Variants in ARHGAP26 observed in about 807,000 individuals in gnomAD.
ARHGAP26 encodes Rho GTPase activating protein 26, also known as rho GTPase-activating protein 26.
Under a neutral mutation model 104.8 loss-of-function variants are expected in ARHGAP26, and 38 were observed. The observed-to-expected ratio is 0.36, with a 90% CI of 0.28 to 0.48. The LOEUF is 0.48. ARHGAP26 is among the 20% of genes least tolerant of loss of function. The pLI is 0.99. For synonymous variants in ARHGAP26, 341 were observed against 340.0 expected (o/e 1.00, Z -0.03); for missense variants, 704 against 947.9 (o/e 0.74, Z 3.38).
intron 5 of ARHGAP26, among the ~76,000 whole-genome samples, chr5:142,890,313 T>C (rs1017489288): frequency 1.3e-5 from 2 of 150,662 alleles, no homozygotes; most frequent in Non-Finnish European, 3.0e-5. Context: ...AAGAGGTTTT[T>C]GGGCAGAATG....
In ARHGAP26 at chr5:143,160,564, A is replaced by G. The variant is rs147383123; in HGVS notation, c.1988+13183A>G. Among the ~76,000 whole-genome samples, 640 of 151,464 alleles carry G rather than the reference A, an allele frequency of 4.2e-3. 3 individuals carry two copies. The highest frequency in any genetic ancestry group is 6.5e-3 in the Non-Finnish European group (439 of 67,904). On this transcript the variant is annotated intron_variant, in intron 20 of 22. Transcript: ENST00000645722. ...CAGTGGTGCAATCACAGCTCACTGC[A>G]GCCTCAACCTCTTAGGCTCAAGCGA...
At chr5:143,154,160 T>A (rs202221430) in intron 20 of ARHGAP26, among the ~76,000 whole-genome samples, 10 of 142,470 alleles carry the variant, frequency 7.0e-5, no homozygotes, top group African/African-American at 2.1e-4. Context: ...TTAAAAATAT[T>A]AAAAAAAAAA....
chr5:143,002,577 C>T (rs1373481445), intron 11 of ARHGAP26, among the ~76,000 whole-genome samples: 1 of 152,176 alleles, frequency 6.6e-6, no homozygotes, highest in Non-Finnish European at 1.5e-5. Context: ...CCGTAAGACT[C>T]CTCACACTGT....
intron 17 of ARHGAP26, among the ~76,000 whole-genome samples, chr5:143,109,182 C>T (rs919346058): frequency 8.2e-6 from 1 of 122,302 alleles, no homozygotes; most frequent in Non-Finnish European, 1.9e-5. Context: ...CTCTTACCTG[C>T]TCTACGCCCC....
intron 18 of ARHGAP26, among the ~76,000 whole-genome samples, chr5:143,128,774 C>T (rs1041949317): frequency 1.3e-5 from 2 of 152,204 alleles, no homozygotes; most frequent in African/African-American, 2.4e-5. Flanking sequence ...ATTTGTGTCT[C>T]GAGAAAATGC....
intron 10 of ARHGAP26, among the ~76,000 whole-genome samples, chr5:142,930,840 TA>T (rs1177132466): frequency 6.6e-6 from 1 of 152,168 alleles, no homozygotes; most frequent in African/African-American, 2.4e-5. Flanking sequence ...TAAACACAAA[TA>T]GGTTTAGCAT....
At position 143,087,636 on chromosome 5, in the gene ARHGAP26, C is replaced by CTTTTTTTTTTTTTTTT. The variant is rs35201189; in HGVS notation, c.1538+29900_1538+29915dup. ...CTCATCTAATTAACCCTGGCCCATT[C>CTTTTTTTTTTTTTTTT]TTTTTTTTTTTTTTTTTTTTTTTTT... On this transcript the variant is annotated intron_variant, in intron 17 of 22. Transcript: ENST00000645722. Among the ~76,000 whole-genome samples the CTTTTTTTTTTTTTTTT allele has an allele frequency of 3.4e-3, 177 of 51,568 alleles. 51 individuals carry two copies. Among genetic ancestry groups the CTTTTTTTTTTTTTTTT allele is most frequent in the East Asian group, 9.4e-3 (11 of 1,166 alleles). 33.8% of individuals were successfully genotyped at this position (51,568 alleles called of 152,430 possible). A position where few individuals can be genotyped will look rare whatever the true frequency, so the allele number is the denominator to read the frequency against.
intron 17 of ARHGAP26, among the ~76,000 whole-genome samples, chr5:143,102,553 C>T (rs1479851041): frequency 1.3e-5 from 2 of 152,236 alleles, no homozygotes; most frequent in Non-Finnish European, 2.9e-5. Flanking sequence ...ATGCCGGTCA[C>T]ACAATTAAAA....
chr5:143,017,793 A>C (rs962511134), intron 12 of ARHGAP26, among the ~76,000 whole-genome samples: 1 of 151,942 alleles, frequency 6.6e-6, no homozygotes, highest in African/African-American at 2.4e-5. Context: ...CATGCCTCCA[A>C]CTCCTCATCA....
At chr5:143,123,964 AACAC>A (rs34527854) in intron 18 of ARHGAP26, among the ~76,000 whole-genome samples, 2 of 151,122 alleles carry the variant, frequency 1.3e-5, no homozygotes, top group African/African-American at 4.9e-5. Flanking sequence ...CTGTAATAGA[AACAC>A]ACACACACAC....
In ARHGAP26 at chr5:143,115,321, G is replaced by GAAACTTAATCTCAA. The variant is rs552852128; in HGVS notation, c.1539-5662_1539-5649dup. On this transcript the variant is annotated intron_variant, in intron 17 of 22. Coordinates refer to ENST00000645722, the MANE Select transcript of ARHGAP26 (RefSeq NM_001135608.3). ...GCACTCCAGCCTGCACGACAAGAGTGAAACTTAATCTCAAAAACAACAACA... is the reference window on the plus strand; with the variant it reads ...GCACTCCAGCCTGCACGACAAGAGTGAAACTTAATCTCAAAAACTTAATCTCAAAAACAACAACA... Among the ~76,000 whole-genome samples the GAAACTTAATCTCAA allele has an allele frequency of 4.2e-3, 620 of 148,324 alleles. 3 individuals are homozygous for GAAACTTAATCTCAA. Among genetic ancestry groups the GAAACTTAATCTCAA allele is most frequent in the African/African-American group, 0.014 (570 of 40,666 alleles).
intron 20 of ARHGAP26, among the ~76,000 whole-genome samples, chr5:143,193,706 A>G (rs1028740097): frequency 2.6e-5 from 4 of 152,162 alleles, no homozygotes; most frequent in African/African-American, 9.7e-5. Context: ...AAGGGAAAAT[A>G]TATGCTGAGG....
At chr5:142,964,361 T>G (rs1770900150) in intron 11 of ARHGAP26, among the ~76,000 whole-genome samples, 1 of 152,200 alleles carries the variant, frequency 6.6e-6, no homozygotes, top group East Asian at 1.9e-4. Context: ...TTCACTTTCT[T>G]TATTTACAAA....
chr5:143,002,961 T>G (rs549436510), intron 11 of ARHGAP26, among the ~76,000 whole-genome samples: 1 of 152,208 alleles, frequency 6.6e-6, no homozygotes, highest in Non-Finnish European at 1.5e-5. Context: ...CCTCTGATGG[T>G]CTATTGTGGT....
chr5:143,054,847 A>G (rs1354626516), intron 15 of ARHGAP26, among the ~76,000 whole-genome samples: 3 of 152,256 alleles, frequency 2.0e-5, no homozygotes, highest in African/African-American at 7.2e-5. Flanking sequence ...GAACACAAGG[A>G]ATCATGAATC....
At chr5:143,153,199 T>C (rs1800050723) in intron 20 of ARHGAP26, among the ~76,000 whole-genome samples, 1 of 152,132 alleles carries the variant, frequency 6.6e-6, no homozygotes, top group African/African-American at 2.4e-5. Flanking sequence ...GGAAACAAAA[T>C]TTATGGCTAA....
intron 17 of ARHGAP26, among the ~76,000 whole-genome samples, chr5:143,076,669 T>C (rs1598906628): frequency 6.6e-6 from 1 of 152,330 alleles, no homozygotes; most frequent in South Asian, 2.1e-4. Flanking sequence ...TATGTTTTGA[T>C]ACTTTAAAAG....
At chr5:142,837,758 G>T (rs1769880281) in intron 1 of ARHGAP26, among the ~76,000 whole-genome samples, 1 of 152,162 alleles carries the variant, frequency 6.6e-6, no homozygotes, top group South Asian at 2.1e-4. Flanking sequence ...AGCCTTGGTA[G>T]AATAGTTATA....
chr5:142,976,390 G>A (rs558544232), intron 11 of ARHGAP26, among the ~76,000 whole-genome samples: 14 of 152,296 alleles, frequency 9.2e-5, no homozygotes, highest in Non-Finnish European at 1.9e-4. Flanking sequence ...AGGGGTTATC[G>A]GCTAAAGGAA....
Sources: gnomAD v4.1 joint callset for allele counts (sites outside exome capture counted in the v4.1 genomes callset) on GRCh38, gnomAD v4.1.1 for gene constraint, MANE v1.5 for transcripts, NCBI Gene and HGNC (gene_info 2026-07-23, HGNC 2026-07-21) for gene names.